Variants in CPS1 observed in about 807,000 individuals in gnomAD.
CPS1 encodes carbamoyl-phosphate synthase [ammonia], mitochondrial.
Under a neutral mutation model 174.6 loss-of-function variants are expected in CPS1, and 109 were observed. That is an observed-to-expected ratio of 0.62 (90% CI 0.53 to 0.73). The LOEUF is 0.73. Among genes scored for constraint, CPS1 ranks in the 30% least tolerant of loss-of-function variants. The pLI, the probability that CPS1 is intolerant of heterozygous loss-of-function variation, is 0.00. For missense variants in CPS1, 1,689 were observed against 1,821.9 expected, an observed-to-expected ratio of 0.93 and a Z score of 1.33; for synonymous variants, 637 against 632.0, an observed-to-expected ratio of 1.01 and a Z score of -0.12.
At chr2:210,637,922 A>G (rs1700088658) in intron 22 of CPS1, 79 bp downstream of exon 22, 1 of 1,493,278 alleles carries the variant, frequency 6.7e-7, no homozygotes, top group Non-Finnish European at 9.3e-7. Context: ...TCAAAAGGCC[A>G]TTGTTAATAA....
At chr2:210,502,587 A>C (rs1695176170) in intron 1 of CPS1, among the ~76,000 whole-genome samples, 1 of 151,614 alleles carries the variant, frequency 6.6e-6, no homozygotes, top group East Asian at 1.9e-4. Flanking sequence ...GCATATGTTA[A>C]TTTAGTTTGA....
At chr2:210,603,661 G>C (rs2105845100) in intron 16 of CPS1, among the ~76,000 whole-genome samples, 1 of 151,764 alleles carries the variant, frequency 6.6e-6, no homozygotes, top group Middle Eastern at 3.4e-3. Context: ...AACTTTTCAT[G>C]TAAGAAAGTT....
chr2:210,674,075 G>C (rs569860648), intron 34 of CPS1: 1 of 152,210 alleles, frequency 6.6e-6, no homozygotes, highest in African/African-American at 2.4e-5. Flanking sequence ...CAGAGTAAAT[G>C]AAAAAAGAGT....
intron 6 of CPS1, among the ~76,000 whole-genome samples, chr2:210,587,853 C>CT (rs933658851): frequency 3.5e-5 from 5 of 142,552 alleles, no homozygotes; most frequent in Admixed American, 1.4e-4. Flanking sequence ...ACAGCAAAGT[C>CT]TTTTTTTCTC....
At chr2:210,526,997 T>A (rs1378234959) in intron 1 of CPS1, among the ~76,000 whole-genome samples, 1 of 151,960 alleles carries the variant, frequency 6.6e-6, no homozygotes, top group Non-Finnish European at 1.5e-5. Context: ...CAAAAATAAT[T>A]GTTTTTGGCA....
At chr2:210,647,158 A>T (rs1700404104) in intron 25 of CPS1, among the ~76,000 whole-genome samples, 1 of 152,132 alleles carries the variant, frequency 6.6e-6, no homozygotes, top group African/African-American at 2.4e-5. Context: ...AAGGACATCA[A>T]AGTGGGACCT....
chr2:210,482,381 A>G (rs1694594179), intron 1 of CPS1, among the ~76,000 whole-genome samples: 2 of 148,914 alleles, frequency 1.3e-5, no homozygotes, highest in Non-Finnish European at 3.0e-5. Context: ...ATCTCGGCTC[A>G]CTCAGCTCAC....
intron 1 of CPS1, among the ~76,000 whole-genome samples, chr2:210,542,135 C>T (rs559559706): frequency 7.5e-4 from 114 of 152,226 alleles, no homozygotes; most frequent in Middle Eastern, 3.4e-3. Context: ...TTCAAGATAA[C>T]CTTAACTTCC....
At chr2:210,629,574 C>CA (rs1277472402) in intron 21 of CPS1, among the ~76,000 whole-genome samples, 1 of 151,728 alleles carries the variant, frequency 6.6e-6, no homozygotes, top group Non-Finnish European at 1.5e-5. Flanking sequence ...CTCGGCCTCT[C>CA]AAAGTGCTGG....
chr2:210,502,417 A>T (rs1695164621), intron 1 of CPS1, among the ~76,000 whole-genome samples: 1 of 146,386 alleles, frequency 6.8e-6, no homozygotes, highest in African/African-American at 2.5e-5. Context: ...TATATATAAT[A>T]TATATATAAA....
intron 22 of CPS1, among the ~76,000 whole-genome samples, chr2:210,638,928 G>A (rs1700121679): frequency 6.6e-6 from 1 of 152,066 alleles, no homozygotes; most frequent in Admixed American, 6.5e-5. Flanking sequence ...TACTACTAGT[G>A]ATCCAATGCC....
At chr2:210,513,939 A>T (rs1695602744) in intron 1 of CPS1, among the ~76,000 whole-genome samples, 1 of 152,116 alleles carries the variant, frequency 6.6e-6, no homozygotes, top group Admixed American at 6.6e-5. Flanking sequence ...TTTATTGAAT[A>T]GGAAGTTCTT....
At chr2:210,665,214 T>C (rs529060205) in intron 33 of CPS1, among the ~76,000 whole-genome samples, 12 of 152,184 alleles carry the variant, frequency 7.9e-5, no homozygotes, top group Non-Finnish European at 1.6e-4. Context: ...AGCAACCACA[T>C]GTACTGGTGA....
intron 20 of CPS1, among the ~76,000 whole-genome samples, chr2:210,615,416 G>GTC (rs921980479): frequency 6.6e-6 from 1 of 151,846 alleles, no homozygotes; most frequent in Non-Finnish European, 1.5e-5. Context: ...TATAATCATG[G>GTC]TCTCTCTGAT....
chr2:210,499,501 C>T (rs1245580382), intron 1 of CPS1, among the ~76,000 whole-genome samples: 1 of 152,170 alleles, frequency 6.6e-6, no homozygotes, highest in African/African-American at 2.4e-5. Context: ...AGAGCAAGCG[C>T]TCCAATCTCT....
At chr2:210,520,295 A>T (rs902928514) in intron 1 of CPS1, among the ~76,000 whole-genome samples, 2 of 151,906 alleles carry the variant, frequency 1.3e-5, no homozygotes, top group Admixed American at 1.3e-4. Flanking sequence ...ATCACACCCA[A>T]TGTTTCTTTA....
chr2:210,483,815 G>A (rs1415451540), intron 1 of CPS1, among the ~76,000 whole-genome samples: 1 of 152,128 alleles, frequency 6.6e-6, no homozygotes, highest in Non-Finnish European at 1.5e-5. Flanking sequence ...CATGTATCTT[G>A]TTTATTCACA....
chr2:210,626,072 C>T (rs958384278), intron 21 of CPS1, among the ~76,000 whole-genome samples: 1 of 151,964 alleles, frequency 6.6e-6, no homozygotes, highest in African/African-American at 2.4e-5. Flanking sequence ...GTATCCAATA[C>T]CATAATGTCT....
intron 1 of CPS1, among the ~76,000 whole-genome samples, chr2:210,512,756 ATATATATATATATATATAT>A (rs1459615992): frequency 1.7e-5 from 1 of 59,224 alleles, no homozygotes; most frequent in Non-Finnish European, 2.8e-5. Flanking sequence ...ATATATATAT[ATATATATATATATATATAT>A]ATATATATAT....
Sources: allele counts gnomAD v4.1 joint callset (sites outside exome capture counted in the v4.1 genomes callset), GRCh38; gene constraint gnomAD v4.1.1; transcripts MANE v1.5; gene names NCBI Gene and HGNC (gene_info 2026-07-23, HGNC 2026-07-21).